TESK2: variants seen among roughly 807,000 people sequenced by gnomAD.
The protein encoded by TESK2 is dual specificity testis-specific protein kinase 2.
Under a neutral mutation model 57.1 loss-of-function variants are expected in TESK2, and 39 were observed. The observed-to-expected ratio is 0.68, with a 90% confidence interval of 0.53 to 0.89. TESK2 has a LOEUF of 0.89. Among genes scored for constraint, TESK2 ranks in the 40% least tolerant of loss-of-function variants. The pLI is 0.00. For synonymous variants in TESK2, 249 were observed against 267.9 expected (o/e 0.93, Z 0.69); for missense variants, 646 against 732.1 (o/e 0.88, Z 1.36).
chr1:45,369,222 T>C (rs940737854), intron 4 of TESK2, among the ~76,000 whole-genome samples: 15 of 152,002 alleles, frequency 9.9e-5, no homozygotes, highest in African/African-American at 3.6e-4. Flanking sequence ...AGAATGGGGC[T>C]GAGTGCAGTG....
At chr1:45,391,137 T>C (rs977550153) in intron 3 of TESK2, among the ~76,000 whole-genome samples, 7 of 151,588 alleles carry the variant, frequency 4.6e-5, no homozygotes, top group Admixed American at 4.6e-4. Context: ...AGGATGGTCT[T>C]GATCTCCTGA....
chr1:45,349,761 C>T (rs1212862102), intron 5 of TESK2, among the ~76,000 whole-genome samples: 1 of 152,228 alleles, frequency 6.6e-6, no homozygotes, highest in African/African-American at 2.4e-5. Context: ...GTATCTGTAA[C>T]CTAGCACAGG....
At chr1:45,368,687 G>A (rs1255079951) in intron 4 of TESK2, among the ~76,000 whole-genome samples, 1 of 151,260 alleles carries the variant, frequency 6.6e-6, no homozygotes, top group Non-Finnish European at 1.5e-5. Context: ...TTGGTTGTTT[G>A]TTTTTTGAGA....
At chr1:45,463,864 T>C (rs1036554496) in intron 1 of TESK2, among the ~76,000 whole-genome samples, 2 of 152,120 alleles carry the variant, frequency 1.3e-5, no homozygotes, top group African/African-American at 4.8e-5. Flanking sequence ...GCTGGGATTA[T>C]AGGCATGAGC....
intron 4 of TESK2, among the ~76,000 whole-genome samples, chr1:45,364,625 G>A (rs778775749): frequency 1.8e-4 from 27 of 152,310 alleles, no homozygotes; most frequent in Middle Eastern, 3.4e-3. Flanking sequence ...GATCATTCTG[G>A]TAGCAGGATA....
intron 4 of TESK2, among the ~76,000 whole-genome samples, chr1:45,384,058 T>G (rs1326369616): frequency 2.0e-5 from 3 of 152,200 alleles, no homozygotes; most frequent in African/African-American, 7.2e-5. Flanking sequence ...AGAGTTAACA[T>G]GTATTAAATA....
intron 4 of TESK2, among the ~76,000 whole-genome samples, chr1:45,377,339 C>T (rs912038121): frequency 5.3e-5 from 8 of 150,816 alleles, no homozygotes; most frequent in South Asian, 2.1e-4. Flanking sequence ...TAGGAAAAGA[C>T]GGCGGACCGA....
chr1:45,413,495 T>C (rs1650116488), intron 3 of TESK2, among the ~76,000 whole-genome samples: 1 of 152,232 alleles, frequency 6.6e-6, no homozygotes, highest in Admixed American at 6.5e-5. Flanking sequence ...GCCTACCACC[T>C]GGCAGATCAT....
At chr1:45,350,267 C>CA (rs1309557197) in intron 5 of TESK2, among the ~76,000 whole-genome samples, 1 of 152,190 alleles carries the variant, frequency 6.6e-6, no homozygotes, top group African/African-American at 2.4e-5. Context: ...TGGAAACCTA[C>CA]ACAAATTCTT....
chr1:45,424,021 A>G (rs1650586348), intron 2 of TESK2, among the ~76,000 whole-genome samples: 1 of 152,216 alleles, frequency 6.6e-6, no homozygotes. Context: ...ATGAAGTCAC[A>G]AAGATCTTTC....
At chr1:45,472,576 A>T (rs1486524256) in intron 1 of TESK2, among the ~76,000 whole-genome samples, 1 of 140,262 alleles carries the variant, frequency 7.1e-6, no homozygotes, top group Non-Finnish European at 1.6e-5. Flanking sequence ...AAAAAAAAAA[A>T]GGTGATCAAG....
At chr1:45,455,121 G>A (rs1433191931) in intron 2 of TESK2, among the ~76,000 whole-genome samples, 1 of 152,146 alleles carries the variant, frequency 6.6e-6, no homozygotes, top group Admixed American at 6.5e-5. Context: ...ACTAGATACT[G>A]ACTATTTGCA....
At chr1:45,447,663 A>G (rs1268290729) in intron 2 of TESK2, among the ~76,000 whole-genome samples, 1 of 152,156 alleles carries the variant, frequency 6.6e-6, no homozygotes, top group African/African-American at 2.4e-5. Flanking sequence ...AACATAGTCA[A>G]TTATTATCTT....
At chr1:45,385,286 C>CT (rs1648842969) in intron 4 of TESK2, 1 of 981,514 alleles carries the variant, frequency 1.0e-6, no homozygotes, top group African/African-American at 1.7e-5. Flanking sequence ...AAGTTGATAA[C>CT]TTGGTACCTG....
chr1:45,410,473 C>T (rs1015316097), intron 3 of TESK2, among the ~76,000 whole-genome samples: 1 of 151,874 alleles, frequency 6.6e-6, no homozygotes, highest in Admixed American at 6.6e-5. Flanking sequence ...GGCATGGTGG[C>T]GCGTGCCTGT....
chr1:45,447,315 TTC>T (rs1336524863), intron 2 of TESK2, among the ~76,000 whole-genome samples: 1 of 151,574 alleles, frequency 6.6e-6, no homozygotes, highest in Non-Finnish European at 1.5e-5. Context: ...CAAAAATATT[TTC>T]TTTCTTTATA....
At chr1:45,365,045 G>A (rs1249860407) in intron 4 of TESK2, among the ~76,000 whole-genome samples, 3 of 152,162 alleles carry the variant, frequency 2.0e-5, no homozygotes, top group Admixed American at 6.5e-5. Context: ...GCTGGCCACC[G>A]TATGTTTGTT....
chr1:45,427,289 TA>T (rs978588381), intron 2 of TESK2, among the ~76,000 whole-genome samples: 1 of 147,130 alleles, frequency 6.8e-6, no homozygotes, highest in African/African-American at 2.6e-5. Flanking sequence ...GAGAAAGGGG[TA>T]AGCCTCGTGC....
At position 45,459,758 on chromosome 1, in the gene TESK2, G is replaced by A. The variant is rs748611246; in HGVS notation, c.-86-1887C>T. ...CACAGGTGGCTGAGGCAGGAGGATTGCCTGAGCCCAGGAGTTTGAGGCTGC... is the reference window on the plus strand; with the variant it reads ...CACAGGTGGCTGAGGCAGGAGGATTACCTGAGCCCAGGAGTTTGAGGCTGC... On this transcript the variant is annotated intron_variant, in intron 1 of 10. Coordinates refer to ENST00000372086, the MANE Select transcript of TESK2 (RefSeq NM_007170.3). 1.7e-4 allele frequency among the ~76,000 whole-genome samples: 26 copies of A among 152,158 alleles called. 1 individual carries two copies. Among genetic ancestry groups the A allele is most frequent in the Admixed American group, 4.6e-4 (7 of 15,264 alleles).
Sources: gnomAD v4.1 joint callset for allele counts (sites outside exome capture counted in the v4.1 genomes callset) on GRCh38, gnomAD v4.1.1 for gene constraint, MANE v1.5 for transcripts, NCBI Gene and HGNC (gene_info 2026-07-23, HGNC 2026-07-21) for gene names.